Variants in LAP3 observed in about 807,000 individuals in gnomAD.
LAP3 encodes the protein cytosol aminopeptidase.
LAP3 carries 46 observed loss-of-function variants against 58.8 expected under a neutral mutation model. That is an observed-to-expected ratio of 0.78 (90% CI 0.62 to 1.00). The LOEUF is 1.00. Ranked by LOEUF, LAP3 falls within the 50% of genes least tolerant of loss-of-function variation. LAP3 has a pLI of 0.00. For synonymous variants in LAP3, 257 were observed against 237.7 expected (o/e 1.08, Z -0.75); for missense variants, 615 against 659.1 (o/e 0.93, Z 0.73).
chr4:17,584,494 T>C (rs1466335426), intron 5 of LAP3, among the ~76,000 whole-genome samples: 7 of 152,182 alleles, frequency 4.6e-5, no homozygotes, highest in African/African-American at 1.7e-4. Context: ...GGGTTGGAAT[T>C]TGGAGCCCCG....
At chr4:17,591,642 A>G (rs1405511720) in intron 7 of LAP3, among the ~76,000 whole-genome samples, 1 of 152,196 alleles carries the variant, frequency 6.6e-6, no homozygotes, top group Non-Finnish European at 1.5e-5. Context: ...AGGAGGAATT[A>G]GCTCAGGAGA....
In LAP3 at chr4:17,597,055, CT is replaced by C. The variant is rs1337223189; in HGVS notation, c.999del (p.Leu334PhefsTer59). On this transcript the variant is annotated frameshift_variant, in exon 9 of 13. Coordinates refer to ENST00000226299, the MANE Select transcript of LAP3 (RefSeq NM_015907.3). LOFTEE classifies it high-confidence loss of function. ...ATATTATTTCCAATAGGTCTGGCCC[CT>C]CTTTGTGAAAATATGCCCAGCGGCA... ...NLPINIIGLA[P>X]LCENMPSGKA... 2 of 1,614,074 alleles carry C rather than the reference CT, an allele frequency of 1.2e-6. No homozygotes were observed. Among genetic ancestry groups the C allele is most frequent in the African/African-American group, 2.7e-5 (2 of 74,948 alleles).
In LAP3 at chr4:17,588,878, C is replaced by T; in HGVS notation, c.764C>T (p.Ser255Phe). Residue 255 changes from serine to phenylalanine, a missense_variant, in exon 7 of 13, where the codon TCT (serine) becomes TTT (phenylalanine). Physicochemically the swap from Ser to Phe is radical, Grantham distance 155. Coordinates refer to ENST00000226299, the MANE Select transcript of LAP3 (RefSeq NM_015907.3). ...MGSFLSVAKG[S>F]DEPPVFLEIH... ...TCATTCCTCAGTGTGGCCAAAGGAT[C>T]TGACGAGCCCCCAGTCTTCTTGGAA... The T allele has an allele frequency of 6.2e-7, 1 of 1,614,146 alleles. No individual in the cohort carries two copies. Among genetic ancestry groups the T allele is most frequent in the Non-Finnish European group, 8.5e-7 (1 of 1,180,018 alleles).
Position 17,606,914 on chromosome 4 carries a change from A to T in LAP3, c.1346A>T (p.Asp449Val). The change falls in exon 12 of 13, where the codon GAT becomes GTT. Residue 449 changes from aspartate (D) to valine (V), a missense_variant. Asp to Val is a radical substitution (Grantham distance 152). Coordinates refer to ENST00000226299, the MANE Select transcript of LAP3 (RefSeq NM_015907.3). ...CAGGTTGTAGATTGCCAGCTTGCTG[A>T]TGTTAACAACATTGGAAAATACAGG... is the stretch of plus-strand genomic sequence containing the variant. ...TRQVVDCQLA[D>V]VNNIGKYRSA... 1 of 1,612,024 alleles carries T rather than the reference A, an allele frequency of 6.2e-7. No homozygotes were observed. The highest frequency in any genetic ancestry group is 8.5e-7 in the Non-Finnish European group (1 of 1,178,578).
chr4:17,595,064 C>G (rs976166666), intron 7 of LAP3, among the ~76,000 whole-genome samples: 1 of 151,544 alleles, frequency 6.6e-6, no homozygotes, highest in Non-Finnish European at 1.5e-5. Context: ...TTTGGGAGGC[C>G]GAGGCTGGCG....
At chr4:17,579,669 C>A (rs1713298779) in intron 1 of LAP3, among the ~76,000 whole-genome samples, 155 bp from the exon 2 acceptor site, 2 of 152,148 alleles carry the variant, frequency 1.3e-5, no homozygotes, top group Admixed American at 6.5e-5. Flanking sequence ...ATGTAGCTGA[C>A]CCCAGCACCT....
chr4:17,607,589 G>A lies in LAP3; in HGVS notation c.1560G>A (p.Ter520=), dbSNP rs760392043. The A allele has an allele frequency of 4.4e-6, 7 of 1,600,886 alleles. No individual in the cohort carries two copies. The highest frequency in any genetic ancestry group is 1.1e-5 in the South Asian group (1 of 89,074). The stretch of plus-strand genomic sequence containing the variant: ...TTCGTTTCAGTCAAGACAATGCTTA[G>A]TTCAGATACTCAAAAATGTCTTCAC... The part of the protein sequence containing the change: ...FLLRFSQDNA[*] Residue 520 remains the stop codon, a stop_retained_variant, in exon 13 of 13, where the codon TAG becomes TAA. Transcript: ENST00000226299.
In LAP3 at chr4:17,577,322, C is replaced by T. The variant is rs1392284912; in HGVS notation, c.-144C>T. 5 of 367,322 alleles carry T rather than the reference C, an allele frequency of 1.4e-5. No homozygotes were observed. The highest frequency in any genetic ancestry group is 6.0e-5 in the African/African-American group (2 of 33,266). 22.8% of individuals were successfully genotyped at this position (367,322 alleles called of 1,614,324 possible). On this transcript the variant is annotated 5_prime_UTR_variant, in exon 1 of 13. Coordinates refer to ENST00000226299, the MANE Select transcript of LAP3 (RefSeq NM_015907.3). The stretch of plus-strand genomic sequence containing the variant: ...GCCGGTGCTGCCCATCCGTCCCGCC[C>T]CCTAGACGCACGTCCGCTCGCCCGG...
intron 10 of LAP3, among the ~76,000 whole-genome samples, chr4:17,602,789 A>G (rs948175352): frequency 4.6e-5 from 7 of 151,882 alleles, no homozygotes; most frequent in South Asian, 2.1e-4. Flanking sequence ...GGTTCAAGCC[A>G]TTCTCCTGCC....
rs748350580 is a variant in LAP3 at position 17,582,407 on chromosome 4, T to C, written c.379+14T>C. On this transcript the variant is annotated intron_variant, in intron 4 of 12. Transcript: ENST00000226299. ...CTGCTGTTGCAGGTTATTTCACTTT[T>C]TAAGTTTAAAGAATCCTGAGGATCC... The C allele has an allele frequency of 5.6e-6, 9 of 1,597,070 alleles. No homozygotes were observed. The highest frequency in any genetic ancestry group is 4.0e-5 in the African/African-American group (3 of 74,598).
chr4:17,597,693 A>G (rs1713866042), intron 9 of LAP3, among the ~76,000 whole-genome samples: 1 of 152,210 alleles, frequency 6.6e-6, no homozygotes, highest in Non-Finnish European at 1.5e-5. Context: ...CGTTTCCATG[A>G]ATTTGCTGCC....
chr4:17,606,620 GAGCCACTGTCCCC>G (rs1227739326), intron 11 of LAP3, among the ~76,000 whole-genome samples, 196 bp from the exon 12 acceptor site: 1 of 152,228 alleles, frequency 6.6e-6, no homozygotes, highest in Non-Finnish European at 1.5e-5. Flanking sequence ...TTATAGGCGT[GAGCCACTGTCCCC>G]AGCCTCCTGG....
intron 10 of LAP3, among the ~76,000 whole-genome samples, chr4:17,600,484 C>T (rs1713955903): frequency 6.6e-6 from 1 of 152,116 alleles, no homozygotes; most frequent in Non-Finnish European, 1.5e-5. Flanking sequence ...AGGATAGATA[C>T]ATCAGATACG....
At chr4:17,587,255 G>A (rs1713542172) in intron 6 of LAP3, among the ~76,000 whole-genome samples, 1 of 152,206 alleles carries the variant, frequency 6.6e-6, no homozygotes, top group Non-Finnish European at 1.5e-5. Flanking sequence ...CAGGACGCAT[G>A]GGTGGGGTAT....
chr4:17,583,474 CT>C lies in LAP3; in HGVS notation c.380-5del, dbSNP rs755087609. ...GACTCCAGTTTTCTGATTCCTCTGT[CT>C]TTTCAAGCGGGGTGCAGGCAGATTC... On this transcript the variant is annotated splice_polypyrimidine_tract_variant and splice_region_variant and intron_variant, in intron 4 of 12. Coordinates refer to ENST00000226299, the MANE Select transcript of LAP3 (RefSeq NM_015907.3). 4 of 1,613,312 alleles carry C rather than the reference CT, an allele frequency of 2.5e-6. No individual in the cohort carries two copies.
chr4:17,596,400 C>T (rs776383457), intron 8 of LAP3, among the ~76,000 whole-genome samples: 10 of 152,082 alleles, frequency 6.6e-5, no homozygotes, highest in East Asian at 3.9e-4. Flanking sequence ...AGTGCAATGG[C>T]GCGATCTTGG....
chr4:17,580,732 T>C (rs1188622644), intron 2 of LAP3, among the ~76,000 whole-genome samples: 2 of 152,170 alleles, frequency 1.3e-5, no homozygotes, highest in African/African-American at 4.8e-5. Flanking sequence ...ATTTAAAATA[T>C]CTGTGAATCA....
intron 8 of LAP3, among the ~76,000 whole-genome samples, chr4:17,595,988 A>G (rs1304101220): frequency 6.6e-6 from 1 of 152,106 alleles, no homozygotes; most frequent in South Asian, 2.1e-4. Flanking sequence ...TCCCAGGCAC[A>G]GTACTGGGAG....
intron 11 of LAP3, among the ~76,000 whole-genome samples, chr4:17,605,397 G>A (rs888316103): frequency 6.6e-6 from 1 of 152,138 alleles, no homozygotes; most frequent in East Asian, 1.9e-4. Context: ...TCCTCACATG[G>A]AAGCTCCAGC....
Sources: gnomAD v4.1 joint callset for allele counts (sites outside exome capture counted in the v4.1 genomes callset) on GRCh38, gnomAD v4.1.1 for gene constraint, MANE v1.5 for transcripts, NCBI Gene and HGNC (gene_info 2026-07-23, HGNC 2026-07-21) for gene names.